Variants in PDE3A observed in about 807,000 individuals in gnomAD.
The protein encoded by PDE3A is cGMP-inhibited 3',5'-cyclic phosphodiesterase 3A.
In PDE3A, 43 loss-of-function variants were observed where a neutral mutation model predicts 98.3. The ratio of observed to expected loss-of-function variants is 0.44; its 90% CI spans 0.34 to 0.56. The LOEUF is 0.56. Among genes scored for constraint, PDE3A ranks in the 20% least tolerant of loss-of-function variants. The pLI, the probability that PDE3A is intolerant of heterozygous loss-of-function variation, is 0.01. For synonymous variants in PDE3A, 663 were observed against 567.9 expected (o/e 1.17, Z -2.38); for missense variants, 1,427 against 1,440.7 (o/e 0.99, Z 0.15).
intron 1 of PDE3A, chr12:20,551,452 T>G (rs2121252623): frequency 1.6e-6 from 1 of 615,278 alleles, no homozygotes; most frequent in East Asian, 2.8e-5. Flanking sequence ...TTGATAGCTC[T>G]TTCTCGATTC....
At chr12:20,371,517 G>T in intron 1 of PDE3A, 1 of 943,732 alleles carries the variant, frequency 1.1e-6, no homozygotes, top group Non-Finnish European at 1.3e-6. Context: ...ATAATCATTT[G>T]GGTATTTCTA....
chr12:20,633,729 T>G lies in PDE3A; in HGVS notation c.1797T>G (p.Asp599Glu). The G allele has an allele frequency of 6.2e-7, 1 of 1,611,542 alleles. No individual in the cohort carries two copies. Among genetic ancestry groups the G allele is most frequent in the Non-Finnish European group, 8.5e-7 (1 of 1,178,506 alleles). The part of the protein sequence containing the change: ...GRPYSQGNPA[D>E]EPLERSGVAT... ...CATATTCCCAAGGGAATCCTGCTGATGAGCCCCTGGAGAGAAGTGGGGTAG... is the reference window on the plus strand; with the variant it reads ...CATATTCCCAAGGGAATCCTGCTGAGGAGCCCCTGGAGAGAAGTGGGGTAG... The change falls in exon 7 of 16, where the codon GAT (aspartate) becomes GAG (glutamate). Residue 599 changes from aspartate (D) to glutamate (E), a missense_variant. Physicochemically the swap from Asp to Glu is conservative, Grantham distance 45. Around this residue, in one of 3 missense-constraint regions of PDE3A, gnomAD observed 1,012 missense variants for 886.5 expected, o/e 1.14. Coordinates refer to ENST00000359062, the MANE Select transcript of PDE3A (RefSeq NM_000921.5).
intron 1 of PDE3A, among the ~76,000 whole-genome samples, chr12:20,501,633 A>G (rs1372725935): frequency 3.9e-5 from 6 of 152,294 alleles, no homozygotes; most frequent in African/African-American, 1.4e-4. Context: ...AAATCATACC[A>G]GAAGAGTTAC....
At chr12:20,638,069 G>A (rs1367478670) in intron 9 of PDE3A, among the ~76,000 whole-genome samples, 1 of 152,096 alleles carries the variant, frequency 6.6e-6, no homozygotes, top group Non-Finnish European at 1.5e-5. Flanking sequence ...TAAGACTTAG[G>A]TAAGAATTCA....
chr12:20,678,297 C>A (rs1053846606), intron 15 of PDE3A, among the ~76,000 whole-genome samples: 3 of 152,062 alleles, frequency 2.0e-5, no homozygotes, highest in Non-Finnish European at 2.9e-5. Context: ...TCTTCCTTAC[C>A]TTAGGCATTT....
intron 1 of PDE3A, among the ~76,000 whole-genome samples, chr12:20,455,521 G>T (rs184885432): frequency 6.6e-6 from 1 of 152,180 alleles, no homozygotes; most frequent in African/African-American, 2.4e-5. Context: ...GCAGGATTCT[G>T]GCATGTAGTA....
At chr12:20,660,873 C>T (rs1945152826) in intron 15 of PDE3A, among the ~76,000 whole-genome samples, 1 of 151,968 alleles carries the variant, frequency 6.6e-6, no homozygotes. Flanking sequence ...TAAATTGGTA[C>T]TGGTAGAGTT....
At chr12:20,591,508 A>G (rs558872991) in intron 2 of PDE3A, among the ~76,000 whole-genome samples, 1 of 152,360 alleles carries the variant, frequency 6.6e-6, no homozygotes, top group South Asian at 2.1e-4. Context: ...ACAAGAAAGT[A>G]GCCACAGGAG....
chr12:20,437,905 T>C (rs1944805450), intron 1 of PDE3A, among the ~76,000 whole-genome samples: 1 of 152,210 alleles, frequency 6.6e-6, no homozygotes, highest in Admixed American at 6.5e-5. Context: ...AATTGAGGGT[T>C]GTTTATATTA....
chr12:20,578,381 A>G (rs1047224608), intron 2 of PDE3A, among the ~76,000 whole-genome samples: 2 of 151,956 alleles, frequency 1.3e-5, no homozygotes, highest in African/African-American at 2.4e-5. Flanking sequence ...GCCACCGCCT[A>G]AGACATTATT....
chr12:20,639,785 G>A (rs1307744853), intron 9 of PDE3A, 61 bp from the exon 10 acceptor site: 4 of 766,468 alleles, frequency 5.2e-6, no homozygotes, highest in Middle Eastern at 2.4e-4. Context: ...TTTCACCACT[G>A]TTCTCTTTAT....
intron 1 of PDE3A, among the ~76,000 whole-genome samples, chr12:20,384,248 G>A (rs997294071): frequency 6.7e-6 from 1 of 150,218 alleles, no homozygotes; most frequent in Non-Finnish European, 1.5e-5. Context: ...ATACAAACTG[G>A]AGACCTGACA....
chr12:20,450,012 T>C, intron 1 of PDE3A: 1 of 683,802 alleles, frequency 1.5e-6, no homozygotes, highest in East Asian at 2.8e-5. Flanking sequence ...TAGCTCCATC[T>C]ACCTGGAAGT....
At chr12:20,607,412 G>T (rs1017949338) in intron 2 of PDE3A, among the ~76,000 whole-genome samples, 39 of 150,302 alleles carry the variant, frequency 2.6e-4, no homozygotes, top group African/African-American at 9.6e-4. Flanking sequence ...ACTTCAGCCT[G>T]GGTGACAGAG....
chr12:20,490,470 T>G (rs1479258308), intron 1 of PDE3A, among the ~76,000 whole-genome samples: 1 of 152,178 alleles, frequency 6.6e-6, no homozygotes, highest in Non-Finnish European at 1.5e-5. Context: ...ACATTGTGTT[T>G]GCTGCATGGA....
chr12:20,683,909 C>T lies in PDE3A; in HGVS notation c.*3638C>T, dbSNP rs2120518204. 6.6e-6 allele frequency: 1 copy of T among 152,238 alleles called. No homozygotes were observed. The highest frequency in any genetic ancestry group is 1.5e-5 in the Non-Finnish European group (1 of 68,020). The allele number at this position is 152,238 out of a possible 1,614,324, so 9.4% of individuals were successfully genotyped here. ...ACTGTTCATATTAGATGTATGTAGACTGTTAATTTGCAATTTCCCCATATT... is the reference window on the plus strand; with the variant it reads ...ACTGTTCATATTAGATGTATGTAGATTGTTAATTTGCAATTTCCCCATATT... On this transcript the variant is annotated 3_prime_UTR_variant, in exon 16 of 16. Transcript: ENST00000359062.
At position 20,574,354 on chromosome 12, in the gene PDE3A, G is replaced by A. The variant is rs1942877141; in HGVS notation, c.1011+17644G>A. On this transcript the variant is annotated intron_variant, in intron 2 of 15. Transcript: ENST00000359062. Reference sequence around the variant, plus strand: ...ATTAACTGAAATCAAAGACAGCCTGGTACAGTGGTGAAGAGAATGATCTTT... The same window carrying A: ...ATTAACTGAAATCAAAGACAGCCTGATACAGTGGTGAAGAGAATGATCTTT... Among the ~76,000 whole-genome samples, 3 of 152,018 alleles carry A rather than the reference G, an allele frequency of 2.0e-5. 1 individual carries two copies. The South Asian group carries it at 6.2e-4, about 31-fold the overall frequency.
At chr12:20,478,880 AT>A (rs1252798677) in intron 1 of PDE3A, among the ~76,000 whole-genome samples, 1 of 152,152 alleles carries the variant, frequency 6.6e-6, no homozygotes, top group Non-Finnish European at 1.5e-5. Flanking sequence ...TTTTGCCTAG[AT>A]TTTTGGATAG....
At chr12:20,467,424 C>T (rs1021017681) in intron 1 of PDE3A, among the ~76,000 whole-genome samples, 2 of 151,296 alleles carry the variant, frequency 1.3e-5, no homozygotes, top group Non-Finnish European at 2.9e-5. Flanking sequence ...AATTTATACT[C>T]TAGATGTTGT....
Sources: allele counts gnomAD v4.1 joint callset (sites outside exome capture counted in the v4.1 genomes callset), GRCh38; gene constraint gnomAD v4.1.1; regional missense constraint gnomAD v4.1.1; transcripts MANE v1.5; gene names NCBI Gene and HGNC (gene_info 2026-07-23, HGNC 2026-07-21).